ADAM22: variants seen among roughly 807,000 people sequenced by gnomAD.
ADAM22 encodes ADAM metallopeptidase domain 22, also known as disintegrin and metalloproteinase domain-containing protein 22.
A neutral mutation model predicts 144.6 loss-of-function variants in ADAM22; 65 were observed. The ratio of observed to expected loss-of-function variants is 0.45; its 90% CI spans 0.37 to 0.55. The LOEUF (loss-of-function observed/expected upper bound fraction) is 0.55. ADAM22 is among the 20% of genes least tolerant of loss of function. ADAM22 has a pLI of 0.00. For synonymous variants in ADAM22, 391 were observed against 412.6 expected, an observed-to-expected ratio of 0.95 and a Z score of 0.63; for missense variants, 974 against 1,184.9, an observed-to-expected ratio of 0.82 and a Z score of 2.61.
chr7:87,997,648 TC>T (rs1791552228), intron 3 of ADAM22, among the ~76,000 whole-genome samples: 1 of 152,232 alleles, frequency 6.6e-6, no homozygotes, highest in South Asian at 2.1e-4. Context: ...TGGGTGGTGA[TC>T]CCCTTCCTCC....
chr7:88,008,469 T>C (rs1313450001), intron 3 of ADAM22, among the ~76,000 whole-genome samples: 1 of 152,188 alleles, frequency 6.6e-6, no homozygotes, highest in Admixed American at 6.5e-5. Flanking sequence ...ATTGCAGCAC[T>C]ATTCACAATA....
chr7:87,978,382 C>T lies in ADAM22; in HGVS notation c.293C>T (p.Thr98Met), dbSNP rs747003933. Residue 98 changes from threonine (T) to methionine (M), a missense_variant, in exon 3 of 32, where the codon ACG becomes ATG. Thr to Met is a moderately conservative substitution (Grantham distance 81). Coordinates refer to ENST00000413139, the MANE Select transcript of ADAM22 (RefSeq NM_001324418.2). Reference protein sequence around the residue: ...QASFQVDAFGTSFILDVVLNH... With the variant: ...QASFQVDAFGMSFILDVVLNH... ...AGCTTCCAGGTTGATGCCTTTGGAACGTCATTCATTCTCGATGTCGTGCTA... is the reference window on the plus strand; with the variant it reads ...AGCTTCCAGGTTGATGCCTTTGGAATGTCATTCATTCTCGATGTCGTGCTA... 2.5e-6 allele frequency: 4 copies of T among 1,613,506 alleles called. No individual in the cohort carries two copies. The highest frequency in any genetic ancestry group is 3.3e-5 in the Admixed American group (2 of 59,912).
intron 3 of ADAM22, among the ~76,000 whole-genome samples, chr7:88,069,721 G>A (rs986828543): frequency 6.6e-6 from 1 of 151,954 alleles, no homozygotes; most frequent in Non-Finnish European, 1.5e-5. Flanking sequence ...AGGCTGCTTA[G>A]ATGAGGTAGC....
rs867426565 is a variant in ADAM22 at position 88,018,222 on chromosome 7, T to G, written c.323+39810T>G. On this transcript the variant is annotated intron_variant, in intron 3 of 31. Coordinates refer to ENST00000413139, the MANE Select transcript of ADAM22 (RefSeq NM_001324418.2). ...GGCCAAGAAAGAAGTGGTTTTGCCT[T>G]CCTTTTTTGTCCTTTGAAAATAAAA... Among the ~76,000 whole-genome samples the G allele has an allele frequency of 3.9e-5, 6 of 152,302 alleles. 1 individual carries two copies. The South Asian group carries it at 1.2e-3, about 32-fold the overall frequency.
At chr7:87,998,534 G>A (rs1439363085) in intron 3 of ADAM22, among the ~76,000 whole-genome samples, 2 of 152,096 alleles carry the variant, frequency 1.3e-5, no homozygotes, top group Non-Finnish European at 2.9e-5. Context: ...GCGACTACAG[G>A]TGCACGCCAC....
intron 2 of ADAM22, among the ~76,000 whole-genome samples, chr7:87,965,103 C>T (rs1330498268): frequency 6.6e-6 from 1 of 151,440 alleles, no homozygotes; most frequent in African/African-American, 2.4e-5. Flanking sequence ...AGCCCACTGG[C>T]AAACAAAAAA....
intron 14 of ADAM22, among the ~76,000 whole-genome samples, chr7:88,142,650 A>G (rs1302870889): frequency 3.3e-5 from 5 of 152,200 alleles, no homozygotes; most frequent in Middle Eastern, 3.4e-3. Context: ...CATCCTGGCT[A>G]ACACGATGAA....
Position 88,006,799 on chromosome 7 carries a change from T to C in ADAM22, c.323+28387T>C, listed in dbSNP as rs1167489508. On this transcript the variant is annotated intron_variant, in intron 3 of 31. Transcript: ENST00000413139. ...GACAAACCCACAGCCAATATCATAC[T>C]GAATGGGCAAAAACTGGAAGTATTC... Among the ~76,000 whole-genome samples the C allele has an allele frequency of 5.3e-5, 8 of 151,124 alleles. No individual in the cohort carries two copies. The East Asian group carries it at 1.6e-3, about 29-fold the overall frequency.
At chr7:87,948,349 C>G (rs1176929157) in intron 2 of ADAM22, among the ~76,000 whole-genome samples, 20 of 152,182 alleles carry the variant, frequency 1.3e-4, no homozygotes, top group Non-Finnish European at 8.8e-5. Flanking sequence ...TTACTACTTA[C>G]TTGTAAACCT....
chr7:88,099,838 T>C (rs1822430374), intron 4 of ADAM22, among the ~76,000 whole-genome samples: 2 of 152,192 alleles, frequency 1.3e-5, no homozygotes, highest in African/African-American at 4.8e-5. Flanking sequence ...AGGATCAACA[T>C]AGGGTTGCCA....
At chr7:88,042,838 A>C (rs1252850391) in intron 3 of ADAM22, among the ~76,000 whole-genome samples, 1 of 151,398 alleles carries the variant, frequency 6.6e-6, no homozygotes, top group African/African-American at 2.4e-5. Context: ...CCTAATCTCA[A>C]GGTGTCCTGA....
intron 22 of ADAM22, among the ~76,000 whole-genome samples, chr7:88,161,837 G>A (rs1285152307): frequency 6.6e-6 from 1 of 151,932 alleles, no homozygotes; most frequent in Non-Finnish European, 1.5e-5. Flanking sequence ...AGACAAAGGG[G>A]AACATTTACA....
Position 88,168,319 on chromosome 7 carries a change from T to C in ADAM22, c.2282+92T>C, listed in dbSNP as rs180784623. On this transcript the variant is annotated intron_variant, in intron 25 of 31. Transcript: ENST00000413139. ...CATCTAGAAAGTTTTGTATCATTGG[T>C]TGAATATACTTGCAATGAAAATCAG... 42 of 1,230,144 alleles carry C rather than the reference T, an allele frequency of 3.4e-5. No individual in the cohort carries two copies. In the Admixed American group the frequency reaches 5.2e-4, roughly 15 times the overall value. The allele number at this position is 1,230,144 out of a possible 1,614,324, so 76.2% of individuals were successfully genotyped here.
intron 7 of ADAM22, among the ~76,000 whole-genome samples, chr7:88,118,118 G>A (rs1828277001): frequency 1.3e-5 from 2 of 152,176 alleles, no homozygotes; most frequent in Non-Finnish European, 2.9e-5. Flanking sequence ...CCCACAGCTA[G>A]CAAGGGGTAA....
chr7:88,163,323 GT>G (rs1449278253), intron 23 of ADAM22, 143 bp downstream of exon 23: 2 of 616,374 alleles, frequency 3.2e-6, no homozygotes, highest in Non-Finnish European at 5.0e-6. Context: ...TTCAATTATA[GT>G]TATTTGAATA....
chr7:88,061,382 C>T (rs1289185942), intron 3 of ADAM22, among the ~76,000 whole-genome samples: 8 of 152,110 alleles, frequency 5.3e-5, no homozygotes, highest in Admixed American at 5.2e-4. Flanking sequence ...TTGCCCAGAT[C>T]CATCAGAGGA....
intron 20 of ADAM22, among the ~76,000 whole-genome samples, chr7:88,152,600 A>G (rs193086462): frequency 1.2e-3 from 181 of 152,312 alleles, no homozygotes; most frequent in Non-Finnish European, 1.8e-3. Context: ...TATATTTAGC[A>G]CTGAGATTAA....
At chr7:88,024,102 A>G (rs892936540) in intron 3 of ADAM22, among the ~76,000 whole-genome samples, 3 of 152,130 alleles carry the variant, frequency 2.0e-5, no homozygotes, top group African/African-American at 2.4e-5. Context: ...GTGGTTGGAC[A>G]CTTAGATTGC....
chr7:87,934,920 G>C (rs1355288554), intron 1 of ADAM22, 106 bp from the exon 2 acceptor site: 1 of 1,507,310 alleles, frequency 6.6e-7, no homozygotes, highest in Non-Finnish European at 9.2e-7. Context: ...GGGCGGTGGG[G>C]ATTTTCGTAG....
Sources: allele counts gnomAD v4.1 joint callset (sites outside exome capture counted in the v4.1 genomes callset), GRCh38; gene constraint gnomAD v4.1.1; transcripts MANE v1.5; gene names NCBI Gene and HGNC (gene_info 2026-07-23, HGNC 2026-07-21).